The following KCNK10 variants were observed in gnomAD, a reference collection of about 807,000 sequenced individuals.
KCNK10 encodes the protein potassium channel subfamily K member 10.
A neutral mutation model predicts 47.7 loss-of-function variants in KCNK10; 25 were observed. That is an observed-to-expected ratio of 0.52 (90% confidence interval 0.38 to 0.73). The LOEUF (loss-of-function observed/expected upper bound fraction) is 0.73, where lower values mean the gene tolerates loss of function less well. KCNK10 is among the 30% of genes least tolerant of loss of function. KCNK10 has a pLI of 0.00. For synonymous variants in KCNK10, 303 were observed against 285.6 expected (o/e 1.06, Z -0.61); for missense variants, 563 against 714.5 (o/e 0.79, Z 2.42).
At chr14:88,301,472 C>CA (rs1888096533) in intron 1 of KCNK10, among the ~76,000 whole-genome samples, 1 of 151,870 alleles carries the variant, frequency 6.6e-6, no homozygotes, top group Non-Finnish European at 1.5e-5. Flanking sequence ...ACAAATAGAA[C>CA]TTTTTTTCAA....
chr14:88,235,335 G>GA (rs987616322), intron 3 of KCNK10: 14 of 418,018 alleles, frequency 3.3e-5, no homozygotes, highest in South Asian at 1.0e-4. Context: ...ACTTCCATAA[G>GA]AAAAAAAATG....
chr14:88,318,030 A>C (rs1016102316), intron 1 of KCNK10, among the ~76,000 whole-genome samples: 8 of 152,220 alleles, frequency 5.3e-5, no homozygotes. Flanking sequence ...CCCTCACTGC[A>C]CTTCTATTCA....
intron 4 of KCNK10, among the ~76,000 whole-genome samples, chr14:88,217,728 T>TA (rs1161575739): frequency 1.5e-3 from 187 of 120,710 alleles, no homozygotes; most frequent in African/African-American, 7.2e-3. Flanking sequence ...GTAATTTGAA[T>TA]CTTTTTTTTT....
upstream of KCNK10, among the ~76,000 whole-genome samples, chr14:88,325,619 C>T (rs74937748): frequency 5.8e-4 from 89 of 152,234 alleles, 1 homozygote; most frequent in East Asian, 0.014. Flanking sequence ...ATGAATCTGA[C>T]CCTGAACCTG....
chr14:88,263,560 T>C lies in KCNK10; in HGVS notation c.53-9A>G. The C allele has an allele frequency of 6.2e-7, 1 of 1,605,836 alleles. No homozygotes were observed. The highest frequency in any genetic ancestry group is 8.5e-7 in the Non-Finnish European group (1 of 1,177,364). The stretch of plus-strand genomic sequence containing the variant: ...TGCTGCGGGAACGGCCACTGAGGAG[T>C]CAGGGTGGGGGACAAAGAAGAAGAG... On this transcript the variant is annotated splice_polypyrimidine_tract_variant and intron_variant, in intron 1 of 6. Coordinates refer to ENST00000319231, the MANE Select transcript of KCNK10 (RefSeq NM_138317.3).
chr14:88,300,725 T>C (rs1197000711), intron 1 of KCNK10, among the ~76,000 whole-genome samples: 1 of 152,186 alleles, frequency 6.6e-6, no homozygotes, highest in Non-Finnish European at 1.5e-5. Flanking sequence ...AATAAGAAAA[T>C]TGTTCAATCT....
At chr14:88,250,383 T>G (rs957329298) in intron 2 of KCNK10, among the ~76,000 whole-genome samples, 1 of 152,160 alleles carries the variant, frequency 6.6e-6, no homozygotes, top group Non-Finnish European at 1.5e-5. Flanking sequence ...TCTTCTAAAT[T>G]CAAAGCAACA....
At chr14:88,289,495 G>A (rs1887833377) in intron 1 of KCNK10, among the ~76,000 whole-genome samples, 1 of 152,212 alleles carries the variant, frequency 6.6e-6, no homozygotes, top group African/African-American at 2.4e-5. Context: ...TTTGGGTGAT[G>A]GCAGGAATGG....
intron 4 of KCNK10, among the ~76,000 whole-genome samples, chr14:88,210,182 G>C (rs1186941997): frequency 6.6e-6 from 1 of 152,194 alleles, no homozygotes; most frequent in Non-Finnish European, 1.5e-5. Context: ...CTGAGGCACA[G>C]CCTGAGGTCA....
intron 2 of KCNK10, among the ~76,000 whole-genome samples, chr14:88,253,610 A>C (rs1409497214): frequency 2.0e-5 from 3 of 152,210 alleles, no homozygotes; most frequent in African/African-American, 7.2e-5. Flanking sequence ...GATTAAAAAA[A>C]AAATCCTTAG....
In KCNK10 at chr14:88,305,268, T is replaced by A. The variant is rs1448366848; in HGVS notation, c.52+17479A>T. Among the ~76,000 whole-genome samples, 3 of 152,188 alleles carry A rather than the reference T, an allele frequency of 2.0e-5. No homozygotes were observed. The East Asian group carries it at 5.8e-4, about 29-fold the overall frequency. ...AGGCTCACAGGAACCTAACCGTATA[T>A]TTCCCCTAAAAGCAACGGTTCACTA... On this transcript the variant is annotated intron_variant, in intron 1 of 6. Transcript: ENST00000319231.
Position 88,196,906 on chromosome 14 carries a change from A to G in KCNK10, c.682-4496T>C, listed in dbSNP as rs182426286. Among the ~76,000 whole-genome samples, 6 of 152,328 alleles carry G rather than the reference A, an allele frequency of 3.9e-5. No homozygotes were observed. The East Asian group carries it at 1.2e-3, about 29-fold the overall frequency. ...TATAACTAATAATTTCATCATCACA[A>G]TGAATGGCCTTGTGGCACTAGCAAT... On this transcript the variant is annotated intron_variant, in intron 4 of 6. Transcript: ENST00000319231.
rs1813547 is a variant in KCNK10 at position 88,211,725 on chromosome 14, G to A, written c.681+15650C>T. Among the ~76,000 whole-genome samples the A allele has an allele frequency of 2.5e-3, 385 of 151,588 alleles. 16 individuals carry two copies. The East Asian group carries it at 0.062, about 24-fold the overall frequency. On this transcript the variant is annotated intron_variant, in intron 4 of 6. Coordinates refer to ENST00000319231, the MANE Select transcript of KCNK10 (RefSeq NM_138317.3). ...AGCCTGGACAAAATGGTGAAACCCC[G>A]TCTCTACTAAAAATACAAAAATTAG... is the stretch of plus-strand genomic sequence containing the variant.
intron 4 of KCNK10, among the ~76,000 whole-genome samples, chr14:88,205,695 C>T (rs1456151715): frequency 2.0e-5 from 3 of 151,928 alleles, no homozygotes; most frequent in Non-Finnish European, 4.4e-5. Flanking sequence ...CAGGCATGCA[C>T]CACCATGCCC....
At chr14:88,223,376 C>T (rs1885881632) in intron 4 of KCNK10, among the ~76,000 whole-genome samples, 1 of 150,620 alleles carries the variant, frequency 6.6e-6, no homozygotes, top group African/African-American at 2.4e-5. Flanking sequence ...TATGTTACCA[C>T]TGCAATGCCC....
intron 2 of KCNK10, among the ~76,000 whole-genome samples, chr14:88,257,476 G>A (rs1886989904): frequency 6.6e-6 from 1 of 152,180 alleles, no homozygotes. Context: ...ATTTTCCCAT[G>A]GGCCACATGC....
At chr14:88,292,504 A>G (rs1018047425) in intron 1 of KCNK10, among the ~76,000 whole-genome samples, 1 of 151,872 alleles carries the variant, frequency 6.6e-6, no homozygotes, top group Non-Finnish European at 1.5e-5. Context: ...CACCCGCCAC[A>G]ATGCCCAGCC....
intron 5 of KCNK10, 138 bp from the exon 6 acceptor site, chr14:88,188,247 G>T: frequency 1.8e-6 from 2 of 1,100,294 alleles, no homozygotes; most frequent in Non-Finnish European, 2.7e-6. Flanking sequence ...GTACAAGGTG[G>T]ACCGGGGTTA....
chr14:88,215,755 A>G (rs1595085264), intron 4 of KCNK10, among the ~76,000 whole-genome samples: 1 of 152,266 alleles, frequency 6.6e-6, no homozygotes, highest in South Asian at 2.1e-4. Flanking sequence ...AGAGAGAGAG[A>G]GACAGAGAGA....
Sources: gnomAD v4.1 joint callset for allele counts (sites outside exome capture counted in the v4.1 genomes callset) on GRCh38, gnomAD v4.1.1 for gene constraint, MANE v1.5 for transcripts, NCBI Gene and HGNC (gene_info 2026-07-23, HGNC 2026-07-21) for gene names.